TMCO5A: variants seen among roughly 807,000 people sequenced by gnomAD.
The protein encoded by TMCO5A is transmembrane and coiled-coil domain-containing protein 5A.
A neutral mutation model predicts 42.3 loss-of-function variants in TMCO5A; 34 were observed. That is an observed-to-expected ratio of 0.80 (90% confidence interval 0.61 to 1.07). The LOEUF (loss-of-function observed/expected upper bound fraction) is 1.07, where lower values mean the gene tolerates loss of function less well. TMCO5A is among the 50% of genes least tolerant of loss of function. The pLI is 0.00. For missense variants in TMCO5A, 357 were observed against 327.9 expected, an observed-to-expected ratio of 1.09 and a Z score of -0.69; for synonymous variants, 131 against 115.6, an observed-to-expected ratio of 1.13 and a Z score of -0.86.
intron 6 of TMCO5A, 112 bp downstream of exon 6, chr15:37,938,341 T>C: frequency 3.4e-6 from 3 of 883,796 alleles, no homozygotes; most frequent in Non-Finnish European, 5.1e-6. Flanking sequence ...TTTTCCTCCA[T>C]GTCAAGCTTA....
chr15:38,022,136 T>A, the TMCO5A span, among the ~76,000 whole-genome samples: 5 of 152,124 alleles, frequency 3.3e-5, no homozygotes, highest in Non-Finnish European at 7.4e-5. Context: ...AATCATACGC[T>A]TATCATACCA....
chr15:37,940,019 C>G (rs1372522340), intron 6 of TMCO5A, among the ~76,000 whole-genome samples: 1 of 152,058 alleles, frequency 6.6e-6, no homozygotes, highest in Non-Finnish European at 1.5e-5. Flanking sequence ...ATCCATTCCT[C>G]TCTACCACTT....
downstream of TMCO5A, among the ~76,000 whole-genome samples, chr15:37,953,190 T>G (rs560115930): frequency 6.6e-6 from 1 of 152,228 alleles, no homozygotes; most frequent in Admixed American, 6.5e-5. Flanking sequence ...ACCTGCTGAT[T>G]GTAGAGCCCC....
At chr15:37,980,397 T>G in the TMCO5A span, among the ~76,000 whole-genome samples, 4 of 152,028 alleles carry the variant, frequency 2.6e-5, no homozygotes, top group Admixed American at 6.5e-5. Context: ...CTCATGTCAG[T>G]CTAGAGGCCC....
chr15:37,944,105 G>A (rs1036785073), intron 10 of TMCO5A: 1 of 152,064 alleles, frequency 6.6e-6, no homozygotes, highest in African/African-American at 2.4e-5. Context: ...AGATAGTCAA[G>A]ATAAATACTT....
the TMCO5A span, among the ~76,000 whole-genome samples, chr15:37,988,245 G>A: frequency 2.3e-4 from 35 of 151,828 alleles, no homozygotes; most frequent in African/African-American, 8.0e-4. Context: ...ATTTTATTAG[G>A]TGAAATCTTT....
At chr15:37,937,290 G>A (rs1889551190) in intron 4 of TMCO5A, 56 bp from the exon 5 acceptor site, 6 of 1,591,652 alleles carry the variant, frequency 3.8e-6, no homozygotes, top group Admixed American at 3.3e-5. Flanking sequence ...GCAATCAACT[G>A]AATAAGAACA....
At chr15:37,937,519 A>G (rs751568301) in intron 5 of TMCO5A, 123 bp downstream of exon 5, 4 of 973,254 alleles carry the variant, frequency 4.1e-6, no homozygotes, top group Admixed American at 4.4e-5. Context: ...TGTGGAGTGC[A>G]TATTACTCTC....
intron 7 of TMCO5A, 68 bp downstream of exon 7, chr15:37,941,273 AT>A (rs1889730614): frequency 3.4e-6 from 5 of 1,465,648 alleles, no homozygotes; most frequent in Non-Finnish European, 2.8e-6. Context: ...CAGGCAATCT[AT>A]TTCTCAAGTG....
At chr15:37,995,039 T>C in the TMCO5A span, among the ~76,000 whole-genome samples, 1 of 152,098 alleles carries the variant, frequency 6.6e-6, no homozygotes, top group Non-Finnish European at 1.5e-5. Context: ...GGCAGAGTGA[T>C]TTGTTAGGTG....
the TMCO5A span, among the ~76,000 whole-genome samples, chr15:38,010,424 A>AACACACACACACACAC: frequency 3.3e-5 from 1 of 30,058 alleles, no homozygotes; most frequent in Non-Finnish European, 7.2e-5. Context: ...GCAGAGGGAG[A>AACACACACACACACAC]TCACACACAC....
chr15:38,025,192 TGTGTGTGTGG>T, the TMCO5A span, among the ~76,000 whole-genome samples: 5 of 113,124 alleles, frequency 4.4e-5, no homozygotes, highest in Non-Finnish European at 7.8e-5. Flanking sequence ...TGTGTGTGTG[TGTGTGTGTGG>T]AAGCAGAAAA....
chr15:38,023,491 T>C, the TMCO5A span, among the ~76,000 whole-genome samples: 1 of 152,212 alleles, frequency 6.6e-6, no homozygotes, highest in African/African-American at 2.4e-5. Flanking sequence ...GATCCAAGAA[T>C]GTTTTAAAGG....
the TMCO5A span, among the ~76,000 whole-genome samples, chr15:37,988,318 C>T: frequency 6.6e-6 from 1 of 151,780 alleles, no homozygotes; most frequent in East Asian, 1.9e-4. Flanking sequence ...TTTTCCTTTC[C>T]AATTTAAATG....
At chr15:37,964,286 C>T (rs1179180616) in intron 11 of TMCO5A, among the ~76,000 whole-genome samples, 2 of 152,052 alleles carry the variant, frequency 1.3e-5, no homozygotes, top group African/African-American at 4.8e-5. Context: ...GTTTAGCCAC[C>T]CAGCAAATCT....
the TMCO5A span, among the ~76,000 whole-genome samples, chr15:38,021,675 C>T: frequency 6.6e-6 from 1 of 152,024 alleles, no homozygotes; most frequent in South Asian, 2.1e-4. Flanking sequence ...ATATAAAAAT[C>T]TAAAAAGATA....
At chr15:38,014,038 T>C in the TMCO5A span, among the ~76,000 whole-genome samples, 1 of 152,186 alleles carries the variant, frequency 6.6e-6, no homozygotes, top group South Asian at 2.1e-4. Flanking sequence ...TCACATTATC[T>C]GACTTTGTTC....
the TMCO5A span, among the ~76,000 whole-genome samples, chr15:38,013,000 C>A: frequency 6.6e-6 from 1 of 152,166 alleles, no homozygotes; most frequent in Admixed American, 6.5e-5. Flanking sequence ...AATAAAGGGA[C>A]TGTGGCTTCA....
At chr15:37,970,173 C>T (rs1255282950), downstream of TMCO5A, among the ~76,000 whole-genome samples, 2 of 152,086 alleles carry the variant, frequency 1.3e-5, no homozygotes, top group African/African-American at 4.8e-5. Context: ...AAAGACATAC[C>T]CGAGGCTGGG....
Sources: allele counts gnomAD v4.1 joint callset (sites outside exome capture counted in the v4.1 genomes callset), GRCh38; gene constraint gnomAD v4.1.1; transcripts MANE v1.5; gene names NCBI Gene and HGNC (gene_info 2026-07-23, HGNC 2026-07-21).